The following ANO3 variants were observed in gnomAD, a reference collection of about 807,000 sequenced individuals.
ANO3 encodes anoctamin-3.
ANO3 carries 99 observed loss-of-function variants against 144.8 expected under a neutral mutation model. That is an observed-to-expected ratio of 0.68 (90% CI 0.58 to 0.81). The LOEUF (loss-of-function observed/expected upper bound fraction) is 0.81. Ranked by LOEUF, ANO3 falls within the 30% of genes least tolerant of loss-of-function variation. ANO3 has a pLI of 0.00. For missense variants in ANO3, 905 were observed against 1,202.2 expected, an observed-to-expected ratio of 0.75 and a Z score of 3.66; for synonymous variants, 414 against 392.6, an observed-to-expected ratio of 1.05 and a Z score of -0.64.
At chr11:26,309,478 T>A (rs1379842695), upstream of ANO3, 1 of 166,312 alleles carries the variant, frequency 6.0e-6, no homozygotes, top group Non-Finnish European at 1.2e-5. Flanking sequence ...AAATTGTATC[T>A]TCCTACACAC....
chr11:26,321,879 T>C (rs899013710), intron 1 of ANO3, among the ~76,000 whole-genome samples: 4 of 152,096 alleles, frequency 2.6e-5, no homozygotes, highest in Non-Finnish European at 5.9e-5. Flanking sequence ...TCTTTATTTG[T>C]GAGAAATTTT....
intron 1 of ANO3, among the ~76,000 whole-genome samples, chr11:26,312,066 T>G (rs1854513266): frequency 6.6e-6 from 1 of 151,900 alleles, no homozygotes. Context: ...ATTCTCACAA[T>G]TCCCACCTAT....
chr11:26,598,392 G>A lies in ANO3; in HGVS notation c.1475G>A (p.Arg492Lys), dbSNP rs1851699782. 6.4e-7 allele frequency: 1 copy of A among 1,561,714 alleles called. No homozygotes were observed. Among genetic ancestry groups the A allele is most frequent in the Admixed American group, 1.9e-5 (1 of 53,626 alleles). The change falls in exon 15 of 27, where the codon AGG (arginine) becomes AAG (lysine). Residue 492 changes from arginine to lysine, a missense_variant. Coordinates refer to ENST00000256737, the MANE Select transcript of ANO3 (RefSeq NM_031418.4). Reference protein sequence around the residue: ...WATVFLEFWKRRRSILTYTWD... With the variant: ...WATVFLEFWKKRRSILTYTWD... The stretch of plus-strand genomic sequence containing the variant: ...ACAGTCTTCCTGGAGTTTTGGAAAA[G>A]GAGAAGGAGTATACTGACCTATACT...
intron 1 of ANO3, among the ~76,000 whole-genome samples, chr11:26,342,416 T>G (rs183820687): frequency 9.6e-4 from 146 of 152,292 alleles, no homozygotes; most frequent in Non-Finnish European, 1.6e-3. Flanking sequence ...TAAAGAGAAC[T>G]AGTTTGACCG....
At chr11:26,278,868 C>T (rs1212568185) in intron 1 of ANO3, among the ~76,000 whole-genome samples, 1 of 151,884 alleles carries the variant, frequency 6.6e-6, no homozygotes, top group Non-Finnish European at 1.5e-5. Context: ...TGTGTGTGTG[C>T]ATGTGTGTGT....
At chr11:26,367,818 G>T (rs933863030) in intron 1 of ANO3, among the ~76,000 whole-genome samples, 1 of 152,148 alleles carries the variant, frequency 6.6e-6, no homozygotes, top group Non-Finnish European at 1.5e-5. Flanking sequence ...AGGGGAAGGG[G>T]AAACAGATAT....
chr11:26,254,610 T>A (rs890588242), intron 1 of ANO3, among the ~76,000 whole-genome samples: 4 of 152,184 alleles, frequency 2.6e-5, no homozygotes, highest in African/African-American at 9.7e-5. Context: ...ATGCATTTTG[T>A]TATGCTATTT....
intron 1 of ANO3, among the ~76,000 whole-genome samples, chr11:26,315,960 T>G (rs1236286650): frequency 1.3e-5 from 2 of 152,208 alleles, no homozygotes; most frequent in African/African-American, 2.4e-5. Flanking sequence ...ATGCCAATTA[T>G]GTCTCCACTC....
chr11:26,562,429 T>A (rs1850330220), intron 14 of ANO3, among the ~76,000 whole-genome samples: 2 of 151,848 alleles, frequency 1.3e-5, no homozygotes, highest in South Asian at 2.1e-4. Flanking sequence ...AACACATATT[T>A]TTTTCCCTGA....
intron 23 of ANO3, among the ~76,000 whole-genome samples, chr11:26,647,069 A>G (rs973457572): frequency 1.1e-4 from 16 of 152,216 alleles, no homozygotes; most frequent in African/African-American, 2.9e-4. Flanking sequence ...TTTCTCATAC[A>G]TATTTTTAAA....
chr11:26,552,314 C>CTT (rs113697171), intron 12 of ANO3, among the ~76,000 whole-genome samples: 2 of 151,822 alleles, frequency 1.3e-5, no homozygotes, highest in South Asian at 2.1e-4. Flanking sequence ...CACACGCATT[C>CTT]TTTTTTTTGG....
At chr11:26,616,722 A>G (rs983515115) in intron 17 of ANO3, among the ~76,000 whole-genome samples, 1 of 152,162 alleles carries the variant, frequency 6.6e-6, no homozygotes, top group African/African-American at 2.4e-5. Flanking sequence ...CTGAATTTGA[A>G]CAGAATGGGA....
At chr11:26,551,215 C>A (rs1849922999) in intron 12 of ANO3, among the ~76,000 whole-genome samples, 1 of 151,904 alleles carries the variant, frequency 6.6e-6, no homozygotes. Context: ...GAAAATTTAT[C>A]GCTACTTTTA....
intron 17 of ANO3, among the ~76,000 whole-genome samples, chr11:26,617,876 A>G (rs978721301): frequency 3.3e-5 from 5 of 152,216 alleles, no homozygotes; most frequent in African/African-American, 7.2e-5. Flanking sequence ...AGATTACTAA[A>G]TAGCCCTCTG....
At position 26,542,147 on chromosome 11, in the gene ANO3, G is replaced by T. The variant is rs577181437; in HGVS notation, c.1154+79G>T. 8.1e-6 allele frequency: 12 copies of T among 1,483,164 alleles called. No homozygotes were observed. In the South Asian group the frequency reaches 1.3e-4, roughly 16 times the overall value. The allele number at this position is 1,483,164 out of a possible 1,614,324, so 91.9% of individuals were successfully genotyped here. A position where few individuals can be genotyped will look rare whatever the true frequency, so the allele number is the denominator to read the frequency against. Reference sequence around the variant, plus strand: ...TCTTAGACTTGGAATTATTTATTGTGCTCACCAGTGAGGATGCAGTCTACA... The same window carrying T: ...TCTTAGACTTGGAATTATTTATTGTTCTCACCAGTGAGGATGCAGTCTACA... On this transcript the variant is annotated intron_variant, in intron 11 of 26. Transcript: ENST00000256737.
chr11:26,360,068 T>C, intron 1 of ANO3, among the ~76,000 whole-genome samples: 1 of 152,030 alleles, frequency 6.6e-6, no homozygotes, highest in Non-Finnish European at 1.5e-5. Context: ...ATTATCCTAT[T>C]TTGATTTATG....
intron 18 of ANO3, among the ~76,000 whole-genome samples, chr11:26,625,299 T>C (rs1340580240): frequency 6.6e-6 from 1 of 152,214 alleles, no homozygotes; most frequent in East Asian, 1.9e-4. Flanking sequence ...ATTGCCATTA[T>C]TGGATTTTAT....
At chr11:26,639,551 G>A (rs368742704) in intron 21 of ANO3, among the ~76,000 whole-genome samples, 14 of 152,166 alleles carry the variant, frequency 9.2e-5, no homozygotes, top group African/African-American at 2.6e-4. Context: ...TTGACATTAC[G>A]GATTGTATAT....
chr11:26,451,032 C>T (rs1858911129), intron 3 of ANO3, among the ~76,000 whole-genome samples: 1 of 152,122 alleles, frequency 6.6e-6, no homozygotes, highest in Admixed American at 6.5e-5. Flanking sequence ...AGTGCATTCC[C>T]ACTTGAGTCA....
Sources: allele counts gnomAD v4.1 joint callset (sites outside exome capture counted in the v4.1 genomes callset), GRCh38; gene constraint gnomAD v4.1.1; transcripts MANE v1.5; gene names NCBI Gene and HGNC (gene_info 2026-07-23, HGNC 2026-07-21).